Variants in DENND2D observed in about 807,000 individuals in gnomAD.
DENND2D encodes the protein DENN domain-containing protein 2D.
DENND2D carries 37 observed loss-of-function variants against 59.8 expected under a neutral mutation model. That is an observed-to-expected ratio of 0.62 (90% CI 0.48 to 0.81). The LOEUF (loss-of-function observed/expected upper bound fraction) is 0.81, where lower values mean the gene tolerates loss of function less well. Among genes scored for constraint, DENND2D ranks in the 40% least tolerant of loss-of-function variants. DENND2D has a pLI of 0.00. For missense variants in DENND2D, 525 were observed against 579.7 expected (o/e 0.91, Z 0.97); for synonymous variants, 219 against 211.3 (o/e 1.04, Z -0.31).
chr1:111,188,877 C>T (rs1571171318), intron 9 of DENND2D, 91 bp from the exon 10 acceptor site: 2 of 1,071,196 alleles, frequency 1.9e-6, no homozygotes, highest in Non-Finnish European at 2.9e-6. Flanking sequence ...ATGAATTCTA[C>T]ACCCCCACTC....
At chr1:111,195,038 C>T (rs1658098662) in intron 6 of DENND2D, 1 of 353,840 alleles carries the variant, frequency 2.8e-6, no homozygotes, top group South Asian at 5.4e-5. Flanking sequence ...GAGGGCCCTC[C>T]TCCTGCACTG....
In DENND2D at chr1:111,197,740, G is replaced by A. The variant is rs545637274; in HGVS notation, c.426+180C>T. On this transcript the variant is annotated intron_variant, in intron 4 of 11. Transcript: ENST00000357640. The stretch of plus-strand genomic sequence containing the variant: ...ACCAGCAGCGGGAGAAGGGGCATCA[G>A]GTCCTCGTGCTTGTGGGGCTGCAGA... The A allele has an allele frequency of 9.8e-6, 14 of 1,429,922 alleles. No individual in the cohort carries two copies. The East Asian group carries it at 1.5e-4, about 16-fold the overall frequency. The allele number at this position is 1,429,922 out of a possible 1,614,324, so 88.6% of individuals were successfully genotyped here.
In DENND2D at chr1:111,189,234, C is replaced by T. The variant is rs753399755; in HGVS notation, c.992G>A (p.Cys331Tyr). ...PMEEVLLVNL[C>Y]EGTFLMSVGD... is the part of the protein sequence containing the mutation. ...TACCGACATTAAGAAGGTTCCTTCACAAAGATTGACCAGCAGGACCTGAAA... is the reference window on the plus strand; with the variant it reads ...TACCGACATTAAGAAGGTTCCTTCATAAAGATTGACCAGCAGGACCTGAAA... Residue 331 changes from cysteine to tyrosine, a missense_variant, in exon 9 of 12, where the codon TGT (cysteine) becomes TAT (tyrosine). Cys to Tyr is a radical substitution (Grantham distance 194). Transcript: ENST00000357640. 1 of 1,614,186 alleles carries T rather than the reference C, an allele frequency of 6.2e-7. No homozygotes were observed. Among genetic ancestry groups the T allele is most frequent in the Non-Finnish European group, 8.5e-7 (1 of 1,180,024 alleles).
rs115138346 is a variant in DENND2D, at chr1:111,188,117, G to T, written c.1339+14C>A. 1.9e-4 allele frequency: 299 copies of T among 1,614,036 alleles called. 1 individual carries two copies. In the African/African-American group the frequency reaches 3.7e-3, roughly 20 times the overall value. Reference sequence around the variant, plus strand: ...CCCTCTATGGGCTTAGACTGATGGGGACTGTTACTGTACCTGCAGGAGGAT... The same window carrying T: ...CCCTCTATGGGCTTAGACTGATGGGTACTGTTACTGTACCTGCAGGAGGAT... On this transcript the variant is annotated intron_variant, in intron 11 of 11. Coordinates refer to ENST00000357640, the MANE Select transcript of DENND2D (RefSeq NM_024901.5).
In DENND2D at chr1:111,187,572, T is replaced by C; in HGVS notation, c.*33A>G. 1 of 1,581,036 alleles carries C rather than the reference T, an allele frequency of 6.3e-7. No individual in the cohort carries two copies. Among genetic ancestry groups the C allele is most frequent in the Non-Finnish European group, 8.7e-7 (1 of 1,150,390 alleles). On this transcript the variant is annotated 3_prime_UTR_variant, in exon 12 of 12. Coordinates refer to ENST00000357640, the MANE Select transcript of DENND2D (RefSeq NM_024901.5). ...CAGGGGCTGAAGTCCAGAAATGGTG[T>C]GTAGCTCTAGTCATTCTTATTCACC...
chr1:111,203,211 G>T (rs1182619296), upstream of DENND2D, among the ~76,000 whole-genome samples: 2 of 152,236 alleles, frequency 1.3e-5, no homozygotes, highest in Admixed American at 6.5e-5. Context: ...AAGGAGCAGG[G>T]TGTGGCAGGA....
chr1:111,193,562 A>G (rs1425824503), intron 7 of DENND2D, among the ~76,000 whole-genome samples: 1 of 152,188 alleles, frequency 6.6e-6, no homozygotes, highest in Non-Finnish European at 1.5e-5. Flanking sequence ...AGAATCTTCA[A>G]CACAGAGACC....
At position 111,188,068 on chromosome 1, in the gene DENND2D, CCCT is replaced by C. The variant is rs1357739879; in HGVS notation, c.1339+60_1339+62del. On this transcript the variant is annotated intron_variant, in intron 11 of 11. Transcript: ENST00000357640. Reference sequence around the variant, plus strand: ...TCTAAAGAGAAGTATTCTTTCTTTCCCCTCCTCTTTATTCTAGAGGTAACCCTC... The same window carrying C: ...TCTAAAGAGAAGTATTCTTTCTTTCCCCTCTTTATTCTAGAGGTAACCCTC... 28 of 1,573,922 alleles carry C rather than the reference CCCT, an allele frequency of 1.8e-5. 1 individual carries two copies. The Middle Eastern group carries it at 8.6e-4, about 48-fold the overall frequency.
At chr1:111,204,256 C>G, upstream of DENND2D, 1 of 1,454,018 alleles carries the variant, frequency 6.9e-7, no homozygotes, top group Non-Finnish European at 9.0e-7. Flanking sequence ...CTCCCCGGTG[C>G]CCACGCCGTC....
At chr1:111,198,077 G>A (rs1166556434) in intron 3 of DENND2D, 88 bp from the exon 4 acceptor site, 4 of 1,290,694 alleles carry the variant, frequency 3.1e-6, no homozygotes, top group Non-Finnish European at 3.3e-6. Flanking sequence ...GGAGAGGAGG[G>A]CAAAGGGGAG....
chr1:111,190,501 A>G (rs1657675678), intron 8 of DENND2D, among the ~76,000 whole-genome samples: 1 of 152,160 alleles, frequency 6.6e-6, no homozygotes, highest in Non-Finnish European at 1.5e-5. Flanking sequence ...GGACTATCTC[A>G]CATAAAGTTT....
At chr1:111,204,469 G>T (rs1446932881), upstream of DENND2D, 7 of 1,112,804 alleles carry the variant, frequency 6.3e-6, no homozygotes, top group Non-Finnish European at 8.2e-6. Context: ...TAGGGGACAG[G>T]TTCGGGGCGG....
chr1:111,204,162 T>A, upstream of DENND2D: 1 of 717,652 alleles, frequency 1.4e-6, no homozygotes. Context: ...CCGCGCAGCC[T>A]CCTGAGTCCC....
upstream of DENND2D, chr1:111,200,815 A>T: frequency 1.3e-6 from 1 of 793,858 alleles, no homozygotes; most frequent in Non-Finnish European, 1.7e-6. Flanking sequence ...CTTATGGGCT[A>T]AGGGTTTTGA....
chr1:111,190,695 A>T (rs890636439), intron 8 of DENND2D, among the ~76,000 whole-genome samples: 2 of 152,088 alleles, frequency 1.3e-5, no homozygotes, highest in Non-Finnish European at 2.9e-5. Flanking sequence ...TCTCTTTTCC[A>T]TTTGTGACCC....
rs1241436404 is a variant in DENND2D, at chr1:111,190,796, C to T, written c.972+1344G>A. ...AGTATGCCAAAAAATAGAGCATGCA[C>T]TGTAATTATCTGTCATCAGGGGAGA... On this transcript the variant is annotated intron_variant, in intron 8 of 11. Coordinates refer to ENST00000357640, the MANE Select transcript of DENND2D (RefSeq NM_024901.5). Among the ~76,000 whole-genome samples the T allele has an allele frequency of 2.0e-5, 3 of 152,314 alleles. No homozygotes were observed. The East Asian group carries it at 5.8e-4, about 29-fold the overall frequency.
chr1:111,204,176 C>A, upstream of DENND2D: 1 of 1,137,042 alleles, frequency 8.8e-7, no homozygotes, highest in Non-Finnish European at 1.2e-6. Context: ...GAGTCCCCTT[C>A]CAACTGCTCC....
Position 111,192,386 on chromosome 1 carries a change from C to T in DENND2D, c.795-69G>A, listed in dbSNP as rs1571181456. On this transcript the variant is annotated intron_variant, in intron 7 of 11. Coordinates refer to ENST00000357640, the MANE Select transcript of DENND2D (RefSeq NM_024901.5). ...CACCATGCTACACACCCCTCATCGC[C>T]CACCACCAACAGCAGCTAGAGCAGT... The T allele has an allele frequency of 7.0e-6, 10 of 1,423,332 alleles. No homozygotes were observed. The East Asian group carries it at 2.5e-4, about 35-fold the overall frequency. 88.2% of individuals were successfully genotyped at this position (1,423,332 alleles called of 1,614,324 possible).
At chr1:111,202,042 T>C (rs1390649269), upstream of DENND2D, among the ~76,000 whole-genome samples, 2 of 152,132 alleles carry the variant, frequency 1.3e-5, no homozygotes, top group African/African-American at 4.8e-5. Flanking sequence ...ACAGGATTTG[T>C]TGGGAATGGG....
Sources: allele counts gnomAD v4.1 joint callset (sites outside exome capture counted in the v4.1 genomes callset), GRCh38; gene constraint gnomAD v4.1.1; transcripts MANE v1.5; gene names NCBI Gene and HGNC (gene_info 2026-07-23, HGNC 2026-07-21).